Variants in JARID2 observed in about 807,000 individuals in gnomAD.
The protein encoded by JARID2 is protein Jumonji.
In JARID2, 21 loss-of-function variants were observed where a neutral mutation model predicts 125.6. The observed-to-expected ratio is 0.17, with a 90% confidence interval of 0.12 to 0.24. The LOEUF (loss-of-function observed/expected upper bound fraction) is 0.24, where lower values mean the gene tolerates loss of function less well. Among genes scored for constraint, JARID2 ranks in the 10% least tolerant of loss-of-function variants. The pLI is 1.00. For synonymous variants in JARID2, 736 were observed against 661.6 expected (o/e 1.11, Z -1.73); for missense variants, 1,303 against 1,639.6 (o/e 0.79, Z 3.55).
chr6:15,440,414 A>G (rs1369247738), intron 3 of JARID2, among the ~76,000 whole-genome samples: 1 of 152,220 alleles, frequency 6.6e-6, no homozygotes, highest in Non-Finnish European at 1.5e-5. Context: ...ACCCCTTTGC[A>G]TCCTGCCTCC....
chr6:15,279,585 C>G (rs1212579131), intron 1 of JARID2, among the ~76,000 whole-genome samples: 1 of 152,200 alleles, frequency 6.6e-6, no homozygotes, highest in African/African-American at 2.4e-5. Context: ...CTGATTAACA[C>G]CACTTGCATT....
intron 1 of JARID2, among the ~76,000 whole-genome samples, chr6:15,277,786 A>AG: frequency 7.0e-6 from 1 of 142,852 alleles, no homozygotes; most frequent in East Asian, 2.3e-4. Context: ...TGCAAAAAAA[A>AG]AAAAAAAACA....
At chr6:15,486,806 C>CTTTTT (rs56268949) in intron 5 of JARID2, among the ~76,000 whole-genome samples, 2,784 of 100,380 alleles carry the variant, frequency 0.028, 239 homozygotes, top group East Asian at 0.1. Flanking sequence ...TGAGAATAGA[C>CTTTTT]TTTTTTTTTT....
rs146402862 is a variant in JARID2, at chr6:15,452,623, C to G, written c.493+448C>G. 3.9e-3 allele frequency among the ~76,000 whole-genome samples: 595 copies of G among 152,276 alleles called. 4 individuals carry two copies. The highest frequency in any genetic ancestry group is 0.024 in the Middle Eastern group (7 of 294). On this transcript the variant is annotated intron_variant, in intron 4 of 17. Coordinates refer to ENST00000341776, the MANE Select transcript of JARID2 (RefSeq NM_004973.4). ...GGTGATGAGGGACTTACGGTTCTCT[C>G]AGCCCTATATTACGTTAAGGAAAAC...
At chr6:15,517,522 C>T (rs913821150) in intron 17 of JARID2, among the ~76,000 whole-genome samples, 3 of 152,198 alleles carry the variant, frequency 2.0e-5, no homozygotes, top group East Asian at 1.9e-4. Flanking sequence ...TTCCTGCAGC[C>T]GCCCCCCCGG....
intron 1 of JARID2, among the ~76,000 whole-genome samples, chr6:15,341,036 AG>A (rs571244215): frequency 6.6e-6 from 1 of 152,176 alleles, no homozygotes; most frequent in Non-Finnish European, 1.5e-5. Flanking sequence ...GAAACAAAAG[AG>A]ACTGTATTCA....
rs1305475786 is a variant in JARID2 at position 15,521,976 on chromosome 6, T to C, written c.*1725T>C. On this transcript the variant is annotated 3_prime_UTR_variant, in exon 18 of 18. Coordinates refer to ENST00000341776, the MANE Select transcript of JARID2 (RefSeq NM_004973.4). Reference sequence around the variant, plus strand: ...TTATTGCGAGTTTTTTGTTTACTTTTCAGGTTTGTACTACAAGGTTTAATA... The same window carrying C: ...TTATTGCGAGTTTTTTGTTTACTTTCCAGGTTTGTACTACAAGGTTTAATA... 1 of 152,244 alleles carries C rather than the reference T, an allele frequency of 6.6e-6. No individual in the cohort carries two copies. Among genetic ancestry groups the C allele is most frequent in the Non-Finnish European group, 1.5e-5 (1 of 68,042 alleles). 9.4% of individuals were successfully genotyped at this position (152,244 alleles called of 1,614,324 possible).
At chr6:15,511,853 G>A (rs937285031) in intron 13 of JARID2, among the ~76,000 whole-genome samples, 1 of 152,168 alleles carries the variant, frequency 6.6e-6, no homozygotes, top group Non-Finnish European at 1.5e-5. Context: ...GATGGACGGG[G>A]GACTCCTTTG....
At chr6:15,421,362 A>C (rs2127588006) in intron 3 of JARID2, among the ~76,000 whole-genome samples, 1 of 152,118 alleles carries the variant, frequency 6.6e-6, no homozygotes, top group African/African-American at 2.4e-5. Context: ...TACCATCAGG[A>C]AATGGAACTA....
At chr6:15,265,338 G>C (rs73726506) in intron 1 of JARID2, among the ~76,000 whole-genome samples, 26 of 148,504 alleles carry the variant, frequency 1.8e-4, no homozygotes, top group African/African-American at 6.3e-4. Context: ...TGTCTCTGTA[G>C]TTCTGCATCC....
At chr6:15,463,653 A>C (rs1008416523) in intron 4 of JARID2, among the ~76,000 whole-genome samples, 1 of 152,058 alleles carries the variant, frequency 6.6e-6, no homozygotes, top group Admixed American at 6.5e-5. Context: ...GCTAGTCTCG[A>C]ACTCCTGACC....
intron 1 of JARID2, among the ~76,000 whole-genome samples, chr6:15,312,924 A>G (rs1762061568): frequency 6.6e-6 from 1 of 152,204 alleles, no homozygotes; most frequent in South Asian, 2.1e-4. Context: ...GGACAAAACA[A>G]GCAAATATAC....
At chr6:15,406,519 C>T (rs1561841346) in intron 2 of JARID2, among the ~76,000 whole-genome samples, 2 of 152,278 alleles carry the variant, frequency 1.3e-5, no homozygotes, top group Non-Finnish European at 1.5e-5. Context: ...GAATCTGGAA[C>T]ATGAATGTGA....
Position 15,496,122 on chromosome 6 carries a change from T to C in JARID2, c.907-10T>C, listed in dbSNP as rs779445222. 6.3e-7 allele frequency: 1 copy of C among 1,595,532 alleles called. No homozygotes were observed. The highest frequency in any genetic ancestry group is 1.1e-5 in the South Asian group (1 of 88,846). ...CGTTTTTTTCCACCTCTGCTTCTGCTGCTCCACAGGTTTCTAAGGTAAACG... is the reference window on the plus strand; with the variant it reads ...CGTTTTTTTCCACCTCTGCTTCTGCCGCTCCACAGGTTTCTAAGGTAAACG... On this transcript the variant is annotated splice_polypyrimidine_tract_variant and intron_variant, in intron 6 of 17. Transcript: ENST00000341776.
chr6:15,248,991 C>T (rs1031098235), intron 1 of JARID2: 21 of 982,704 alleles, frequency 2.1e-5, no homozygotes, highest in Non-Finnish European at 2.1e-5. Flanking sequence ...CGTAGGTCCC[C>T]AAAGGAGTGC....
intron 1 of JARID2, among the ~76,000 whole-genome samples, chr6:15,361,912 TTC>T (rs1491137884): frequency 3.2e-4 from 48 of 148,728 alleles, no homozygotes; most frequent in African/African-American, 1.1e-3. Flanking sequence ...TTTTTTTTTT[TTC>T]CCTGAGATGG....
chr6:15,348,036 C>T (rs974918636), intron 1 of JARID2, among the ~76,000 whole-genome samples: 3 of 152,074 alleles, frequency 2.0e-5, no homozygotes, highest in Non-Finnish European at 4.4e-5. Flanking sequence ...CCACCACACC[C>T]AGCTGCAAGG....
intron 1 of JARID2, among the ~76,000 whole-genome samples, chr6:15,348,626 AAGGT>A (rs1763326240): frequency 6.6e-6 from 1 of 152,198 alleles, no homozygotes; most frequent in Admixed American, 6.5e-5. Flanking sequence ...TATACTTGAA[AAGGT>A]AGAGAGAATT....
chr6:15,326,478 A>G (rs936476815), intron 1 of JARID2, among the ~76,000 whole-genome samples: 1 of 152,178 alleles, frequency 6.6e-6, no homozygotes, highest in African/African-American at 2.4e-5. Context: ...GGAGTGAGCC[A>G]CCACGCCTGG....
Sources: gnomAD v4.1 joint callset for allele counts (sites outside exome capture counted in the v4.1 genomes callset) on GRCh38, gnomAD v4.1.1 for gene constraint, MANE v1.5 for transcripts, NCBI Gene and HGNC (gene_info 2026-07-23, HGNC 2026-07-21) for gene names.